Variants in MIA2 observed in about 807,000 individuals in gnomAD.
MIA2 encodes MIA SH3 domain ER export factor 2, also known as melanoma inhibitory activity protein 2.
In MIA2, 127 loss-of-function variants were observed where a neutral mutation model predicts 167.8. The ratio of observed to expected loss-of-function variants is 0.76; its 90% CI spans 0.66 to 0.88. The LOEUF is 0.88. MIA2 is among the 40% of genes least tolerant of loss of function. The pLI, the probability that MIA2 is intolerant of heterozygous loss-of-function variation, is 0.00. For missense variants in MIA2, 1,690 were observed against 1,624.7 expected (o/e 1.04, Z -0.69); for synonymous variants, 552 against 541.9 (o/e 1.02, Z -0.26).
intron 9 of MIA2, among the ~76,000 whole-genome samples, chr14:39,285,550 G>T (rs2059570301): frequency 6.8e-6 from 1 of 146,104 alleles, no homozygotes; most frequent in Non-Finnish European, 1.5e-5. Context: ...CGGACGGGAT[G>T]GCTGGCCGGG....
At chr14:39,370,697 C>A (rs534976423) in intron 23 of MIA2, 1 of 193,002 alleles carries the variant, frequency 5.2e-6, no homozygotes, top group South Asian at 9.1e-5. Context: ...CACTTCGCTG[C>A]TCATCCCCAC....
At chr14:39,282,647 C>T (rs947941927) in intron 9 of MIA2, among the ~76,000 whole-genome samples, 1 of 152,120 alleles carries the variant, frequency 6.6e-6, no homozygotes, top group East Asian at 1.9e-4. Context: ...GATCTTGGCT[C>T]ATTGCAGCCT....
intron 21 of MIA2, among the ~76,000 whole-genome samples, chr14:39,316,285 C>T (rs1006368170): frequency 6.6e-6 from 1 of 152,178 alleles, no homozygotes; most frequent in Non-Finnish European, 1.5e-5. Flanking sequence ...GACACTGTAA[C>T]ATATAGGACT....
At chr14:39,245,801 C>T (rs1345589350) in intron 3 of MIA2, among the ~76,000 whole-genome samples, 1 of 152,098 alleles carries the variant, frequency 6.6e-6, no homozygotes, top group Non-Finnish European at 1.5e-5. Context: ...GCATTAATCC[C>T]ACCCATTCTG....
chr14:39,289,810 A>G (rs2060481403), intron 9 of MIA2, among the ~76,000 whole-genome samples: 1 of 152,190 alleles, frequency 6.6e-6, no homozygotes, highest in Non-Finnish European at 1.5e-5. Flanking sequence ...GGCAAAAGTT[A>G]AGATAGCAGC....
intron 17 of MIA2, among the ~76,000 whole-genome samples, chr14:39,308,204 T>G (rs2063667095): frequency 5.3e-5 from 8 of 152,164 alleles, no homozygotes; most frequent in Admixed American, 4.6e-4. Context: ...ATAGGATTAT[T>G]ACACATCGAA....
chr14:39,353,248 T>G (rs929772252), downstream of MIA2, among the ~76,000 whole-genome samples: 1 of 152,224 alleles, frequency 6.6e-6, no homozygotes, highest in Non-Finnish European at 1.5e-5. Context: ...ATATTGTTAC[T>G]AAGTATCATC....
intron 17 of MIA2, among the ~76,000 whole-genome samples, chr14:39,305,533 T>C (rs2063192300): frequency 6.6e-6 from 1 of 152,244 alleles, no homozygotes; most frequent in African/African-American, 2.4e-5. Flanking sequence ...GATAAATTTC[T>C]GTAATTGATG....
intron 25 of MIA2, among the ~76,000 whole-genome samples, chr14:39,337,815 T>C (rs1266156277): frequency 6.6e-6 from 1 of 152,102 alleles, no homozygotes; most frequent in Non-Finnish European, 1.5e-5. Flanking sequence ...CCTCCTGGGT[T>C]CAAACTGTCC....
Position 39,347,782 on chromosome 14 carries a change from A to T in MIA2, c.3837+11A>T. 1 of 1,592,770 alleles carries T rather than the reference A, an allele frequency of 6.3e-7. No homozygotes were observed. The highest frequency in any genetic ancestry group is 8.6e-7 in the Non-Finnish European group (1 of 1,163,192). On this transcript the variant is annotated intron_variant, in intron 27 of 28. Transcript: ENST00000640607. ...AAAGATGATCTTGGTGTAAGTATTG[A>T]AAGAGTGGAATTGTATGCATGTATT...
intron 23 of MIA2, among the ~76,000 whole-genome samples, chr14:39,359,531 T>C (rs756928767): frequency 6.6e-6 from 1 of 152,158 alleles, no homozygotes; most frequent in Non-Finnish European, 1.5e-5. Flanking sequence ...CTTCTTTGGC[T>C]CACACTCTGT....
rs112534680 is a variant in MIA2 at position 39,243,122 on chromosome 14, C to CAAA, written c.336+2489_336+2491dup. Among the ~76,000 whole-genome samples the CAAA allele has an allele frequency of 5.7e-3, 729 of 127,422 alleles. 7 individuals are homozygous for CAAA. The highest frequency in any genetic ancestry group is 0.022 in the East Asian group (101 of 4,552). 83.6% of individuals were successfully genotyped at this position (127,422 alleles called of 152,430 possible). ...TGGGTGACAGAGTGAAACTTTGTCT[C>CAAA]AAAAAAAAAAAAAAAAGAAGACAAA... On this transcript the variant is annotated intron_variant, in intron 3 of 28. Coordinates refer to ENST00000640607, the MANE Select transcript of MIA2 (RefSeq NM_001329214.4).
At position 39,384,833 on chromosome 14, in the gene MIA2, C is replaced by T. The variant is rs148438456; in HGVS notation, c.2249-2052C>T. On this transcript the variant is annotated intron_variant, in intron 23 of 23. Coordinates refer to the MIA2 transcript ENST00000341502. ...ATCTTATTTTCACTGCTCTACACAG[C>T]GCCCTGAGAATCCTTAATTTTAAAG... Among the ~76,000 whole-genome samples the T allele has an allele frequency of 6.4e-4, 98 of 152,238 alleles. No homozygotes were observed. In the East Asian group the frequency reaches 0.017, roughly 26 times the overall value.
intron 25 of MIA2, among the ~76,000 whole-genome samples, chr14:39,344,722 G>A (rs1050281104): frequency 6.6e-6 from 1 of 152,152 alleles, no homozygotes; most frequent in Non-Finnish European, 1.5e-5. Flanking sequence ...TAGGATAGGG[G>A]AAAGTTACAC....
intron 23 of MIA2, among the ~76,000 whole-genome samples, chr14:39,358,667 C>T (rs1346378303): frequency 1.3e-5 from 2 of 152,044 alleles, no homozygotes; most frequent in Non-Finnish European, 2.9e-5. Flanking sequence ...TCTGTTTTTC[C>T]CCCATCTTAG....
At chr14:39,332,610 C>T (rs147360873) in intron 25 of MIA2, among the ~76,000 whole-genome samples, 157 of 152,248 alleles carry the variant, frequency 1.0e-3, no homozygotes, top group African/African-American at 3.4e-3. Context: ...TGATGACCTT[C>T]GGATGGAGTT....
At chr14:39,354,356 A>G (rs1245799428), downstream of MIA2, among the ~76,000 whole-genome samples, 1 of 152,178 alleles carries the variant, frequency 6.6e-6, no homozygotes, top group Non-Finnish European at 1.5e-5. Flanking sequence ...GGCTGCATAA[A>G]TGTCTTCTTT....
rs1303771039 is a variant in MIA2 at position 39,303,597 on chromosome 14, T to C, written c.2787+73T>C. On this transcript the variant is annotated intron_variant, in intron 16 of 28. Coordinates refer to ENST00000640607, the MANE Select transcript of MIA2 (RefSeq NM_001329214.4). ...CGTGGATTACTCATGTCCCAGTAAA[T>C]GTTTAAAAAGTCCATTTTATTGTTC... The C allele has an allele frequency of 6.5e-6, 7 of 1,077,122 alleles. No individual in the cohort carries two copies. In the Admixed American group the frequency reaches 9.6e-5, roughly 15 times the overall value. The allele number at this position is 1,077,122 out of a possible 1,614,324, so 66.7% of individuals were successfully genotyped here. A position where few individuals can be genotyped will look rare whatever the true frequency, so the allele number is the denominator to read the frequency against.
At chr14:39,278,070 C>A (rs115248754) in intron 7 of MIA2, among the ~76,000 whole-genome samples, 3,078 of 151,892 alleles carry the variant, frequency 0.02, 107 homozygotes, top group African/African-American at 0.068. Flanking sequence ...GCTTCCTGTG[C>A]TGAAGCAATT....
Sources: allele counts gnomAD v4.1 joint callset (sites outside exome capture counted in the v4.1 genomes callset), GRCh38; gene constraint gnomAD v4.1.1; transcripts MANE v1.5; gene names NCBI Gene and HGNC (gene_info 2026-07-23, HGNC 2026-07-21).